The following CADPS2 variants were observed in gnomAD, a reference collection of about 807,000 sequenced individuals.
CADPS2 encodes the protein calcium dependent secretion activator 2, also known as calcium-dependent secretion activator 2.
A neutral mutation model predicts 172.5 loss-of-function variants in CADPS2; 93 were observed. The ratio of observed to expected loss-of-function variants is 0.54; its 90% CI spans 0.46 to 0.64. CADPS2 has a LOEUF of 0.64. Ranked by LOEUF, CADPS2 falls within the 30% of genes least tolerant of loss-of-function variation. CADPS2 has a pLI of 0.00. For missense variants in CADPS2, 1,420 were observed against 1,565.9 expected (o/e 0.91, Z 1.57); for synonymous variants, 546 against 555.2 (o/e 0.98, Z 0.23).
chr7:122,697,485 ATATT>A (rs1161715210), intron 2 of CADPS2, among the ~76,000 whole-genome samples: 2 of 152,182 alleles, frequency 1.3e-5, no homozygotes, highest in Non-Finnish European at 2.9e-5. Flanking sequence ...TGTACAGTAA[ATATT>A]TAAGAAAATA....
At chr7:122,477,398 C>T (rs1282428315) in intron 12 of CADPS2, among the ~76,000 whole-genome samples, 17 of 151,972 alleles carry the variant, frequency 1.1e-4, no homozygotes, top group Non-Finnish European at 1.3e-4. Flanking sequence ...CGCCTGTAAT[C>T]CCAGCTACTT....
chr7:122,864,205 T>C (rs1171927747), intron 1 of CADPS2, among the ~76,000 whole-genome samples: 2 of 152,196 alleles, frequency 1.3e-5, no homozygotes, highest in Admixed American at 1.3e-4. Flanking sequence ...AGTCAGTACC[T>C]CTGAAATTCC....
At chr7:122,371,360 T>G (rs1474819894) in intron 25 of CADPS2, among the ~76,000 whole-genome samples, 1 of 151,930 alleles carries the variant, frequency 6.6e-6, no homozygotes. Flanking sequence ...AAACTTACAA[T>G]CATGGCGGAA....
At chr7:122,650,739 T>G (rs112551175) in intron 3 of CADPS2, among the ~76,000 whole-genome samples, 11 of 152,180 alleles carry the variant, frequency 7.2e-5, no homozygotes, top group Non-Finnish European at 1.2e-4. Context: ...AGCCTATAAT[T>G]TAATTTGTTA....
At chr7:122,330,819 C>A (rs2034803497) in intron 28 of CADPS2, 2 of 152,210 alleles carry the variant, frequency 1.3e-5, no homozygotes, top group Non-Finnish European at 2.9e-5. Context: ...CAAATGCAGA[C>A]CCCGTGAGGG....
At chr7:122,442,345 C>T (rs1034762833) in intron 15 of CADPS2, among the ~76,000 whole-genome samples, 1 of 152,078 alleles carries the variant, frequency 6.6e-6, no homozygotes, top group Non-Finnish European at 1.5e-5. Context: ...TTTTGGAGCT[C>T]CTTGCTTTGC....
intron 14 of CADPS2, among the ~76,000 whole-genome samples, chr7:122,470,305 A>G (rs1267885039): frequency 6.6e-6 from 1 of 152,102 alleles, no homozygotes; most frequent in East Asian, 1.9e-4. Context: ...AAGGGGCACT[A>G]TGGGAAGAGA....
intron 27 of CADPS2, among the ~76,000 whole-genome samples, chr7:122,354,784 T>G (rs527567401): frequency 2.0e-5 from 3 of 152,308 alleles, no homozygotes; most frequent in South Asian, 2.1e-4. Context: ...TTTTCAAATG[T>G]CTGTTGTCTT....
intron 12 of CADPS2, among the ~76,000 whole-genome samples, chr7:122,480,307 T>TA (rs1465981524): frequency 2.0e-5 from 3 of 151,898 alleles, no homozygotes; most frequent in South Asian, 4.2e-4. Context: ...ATTTTTTTTT[T>TA]ATTTTTCCTA....
At chr7:122,755,102 T>TA (rs977067584) in intron 1 of CADPS2, among the ~76,000 whole-genome samples, 1 of 152,146 alleles carries the variant, frequency 6.6e-6, no homozygotes, top group Non-Finnish European at 1.5e-5. Flanking sequence ...TAGTAACAAA[T>TA]AAAAACATTT....
At chr7:122,721,064 C>T (rs1330357318) in intron 2 of CADPS2, among the ~76,000 whole-genome samples, 1 of 151,990 alleles carries the variant, frequency 6.6e-6, no homozygotes, top group East Asian at 1.9e-4. Context: ...TGGGCATCAT[C>T]ACATTCAAGT....
At chr7:122,361,378 C>T (rs1438910715) in intron 25 of CADPS2, among the ~76,000 whole-genome samples, 4 of 151,788 alleles carry the variant, frequency 2.6e-5, no homozygotes, top group African/African-American at 4.8e-5. Context: ...GAACTACAGG[C>T]GTCCGCCACC....
chr7:122,877,315 C>T (rs1821457536), intron 1 of CADPS2, among the ~76,000 whole-genome samples: 1 of 152,174 alleles, frequency 6.6e-6, no homozygotes, highest in Admixed American at 6.5e-5. Context: ...ACAGTATATT[C>T]ACTAGTAAAG....
At chr7:122,405,475 G>A (rs2046533535) in intron 20 of CADPS2, among the ~76,000 whole-genome samples, 1 of 152,052 alleles carries the variant, frequency 6.6e-6, no homozygotes, top group African/African-American at 2.4e-5. Context: ...CCAGTCTGGT[G>A]AACATGGTGG....
At chr7:122,678,439 G>A (rs181805062) in intron 2 of CADPS2, among the ~76,000 whole-genome samples, 4 of 152,298 alleles carry the variant, frequency 2.6e-5, no homozygotes, top group Admixed American at 2.6e-4. Flanking sequence ...CACAGAAGAT[G>A]GGAGTTATTA....
intron 2 of CADPS2, among the ~76,000 whole-genome samples, chr7:122,665,505 T>C (rs988151879): frequency 3.3e-5 from 5 of 152,182 alleles, no homozygotes; most frequent in South Asian, 4.1e-4. Flanking sequence ...AAAAATATCA[T>C]GTCAAAAATG....
At chr7:122,845,226 C>T (rs1469629339) in intron 1 of CADPS2, among the ~76,000 whole-genome samples, 1 of 152,154 alleles carries the variant, frequency 6.6e-6, no homozygotes, top group Non-Finnish European at 1.5e-5. Flanking sequence ...TGCCCCCACC[C>T]ATCTTTGGGC....
chr7:122,516,925 A>G (rs192951426), intron 8 of CADPS2, among the ~76,000 whole-genome samples: 1 of 151,752 alleles, frequency 6.6e-6, no homozygotes, highest in South Asian at 2.1e-4. Context: ...GTTTACATAA[A>G]GTAAAATTAC....
At chr7:122,709,754 G>A (rs1185331555) in intron 2 of CADPS2, among the ~76,000 whole-genome samples, 4 of 152,158 alleles carry the variant, frequency 2.6e-5, no homozygotes, top group East Asian at 1.9e-4. Flanking sequence ...CACGTCCTTT[G>A]TAGGGACATG....
Sources: allele counts gnomAD v4.1 joint callset (sites outside exome capture counted in the v4.1 genomes callset), GRCh38; gene constraint gnomAD v4.1.1; transcripts MANE v1.5; gene names NCBI Gene and HGNC (gene_info 2026-07-23, HGNC 2026-07-21).